The following C2orf72 variants were observed in gnomAD, a reference collection of about 807,000 sequenced individuals.
C2orf72 encodes the protein chromosome 2 open reading frame 72.
A neutral mutation model predicts 14.4 loss-of-function variants in C2orf72; 16 were observed. That is an observed-to-expected ratio of 1.11 (90% CI 0.75 to 1.69). C2orf72 has a LOEUF of 1.69. C2orf72 is among the 40% of genes most tolerant of loss of function. The probability of loss-of-function intolerance (pLI) is 0.00; values close to 1 mark genes in which losing one functional copy is unlikely to be tolerated. For synonymous variants in C2orf72, 168 were observed against 176.8 expected (o/e 0.95, Z 0.40); for missense variants, 371 against 358.3 (o/e 1.04, Z -0.29).
intron 2 of C2orf72, among the ~76,000 whole-genome samples, chr2:231,044,945 T>TATATATCTATATATATATATATATATA (rs1693392248): frequency 7.1e-6 from 1 of 141,666 alleles, no homozygotes; most frequent in African/African-American, 2.6e-5. Context: ...ATATATATCT[T>TATATATCTATATATATATATATATATA]TATATATATA....
chr2:231,038,466 G>A (rs1422793051), intron 1 of C2orf72, among the ~76,000 whole-genome samples: 1 of 140,362 alleles, frequency 7.1e-6, no homozygotes, highest in African/African-American at 2.6e-5. Flanking sequence ...GAGGGAGTGG[G>A]TAGAGAGAAG....
Position 231,047,179 on chromosome 2 carries a change from C to T in C2orf72, c.*158C>T, listed in dbSNP as rs1374524881. On this transcript the variant is annotated 3_prime_UTR_variant, in exon 3 of 3. Transcript: ENST00000373640. ...AGCTAGACAGTGGGGCTTACTAAGA[C>T]AAGCAGGACCTAAAACAGTGTCTCC... The T allele has an allele frequency of 1.1e-6, 1 of 876,494 alleles. No individual in the cohort carries two copies. Among genetic ancestry groups the T allele is most frequent in the Non-Finnish European group, 1.8e-6 (1 of 542,574 alleles). The allele number at this position is 876,494 out of a possible 1,614,324, so 54.3% of individuals were successfully genotyped here. A position where few individuals can be genotyped will look rare whatever the true frequency, so the allele number is the denominator to read the frequency against.
At position 231,045,993 on chromosome 2, in the gene C2orf72, G is replaced by T. The variant is rs141788948; in HGVS notation, c.749-889G>T. Among the ~76,000 whole-genome samples, 182 of 152,040 alleles carry T rather than the reference G, an allele frequency of 1.2e-3. 1 individual carries two copies. The highest frequency in any genetic ancestry group is 4.1e-3 in the African/African-American group (170 of 41,466). ...ATGTCAACAACATATTTTCTTTTTT[G>T]AGGTAATTCTAAATTAACATGCAGT... On this transcript the variant is annotated intron_variant, in intron 2 of 2. Coordinates refer to ENST00000373640, the MANE Select transcript of C2orf72 (RefSeq NM_001144994.2).
At chr2:231,042,840 AC>A (rs1177966195) in intron 2 of C2orf72, among the ~76,000 whole-genome samples, 2 of 152,160 alleles carry the variant, frequency 1.3e-5, no homozygotes, top group Admixed American at 1.3e-4. Flanking sequence ...CTCTATCTCT[AC>A]TAAAAATACA....
chr2:231,044,224 G>A (rs915555916), intron 2 of C2orf72, among the ~76,000 whole-genome samples: 1 of 152,198 alleles, frequency 6.6e-6, no homozygotes, highest in Non-Finnish European at 1.5e-5. Context: ...CTAGGACATT[G>A]CTGTGCACTA....
intron 2 of C2orf72, among the ~76,000 whole-genome samples, chr2:231,044,324 C>G (rs910253810): frequency 6.6e-6 from 1 of 152,172 alleles, no homozygotes; most frequent in Admixed American, 6.5e-5. Flanking sequence ...CCTTAGCTTA[C>G]TGTAACTTTT....
rs1553555593 is a variant in C2orf72, at chr2:231,044,962, T to TAC, written c.749-1906_749-1905dup. ...ATATATCTTTATATATATATATATA[T>TAC]ACACACACACACACATATAAGTAGA... On this transcript the variant is annotated intron_variant, in intron 2 of 2. Transcript: ENST00000373640. 2.8e-3 allele frequency among the ~76,000 whole-genome samples: 417 copies of TAC among 146,434 alleles called. 5 individuals carry two copies. Among genetic ancestry groups the TAC allele is most frequent in the Middle Eastern group, 0.025 (7 of 278 alleles).
intron 2 of C2orf72, among the ~76,000 whole-genome samples, chr2:231,044,101 T>C (rs535823726): frequency 6.6e-6 from 1 of 152,248 alleles, no homozygotes; most frequent in East Asian, 1.9e-4. Flanking sequence ...AAATATGCTA[T>C]AAAAGATCAA....
chr2:231,037,539 G>T lies in C2orf72; in HGVS notation c.-27G>T. ...GCAGCGGGTGCGCCCGGGCCGCGGC[G>T]GCCGCAGAGGGCGGGCGGCGGCCAG... On this transcript the variant is annotated 5_prime_UTR_variant, in exon 1 of 3. Transcript: ENST00000373640. 1 of 1,000,508 alleles carries T rather than the reference G, an allele frequency of 1.0e-6. No individual in the cohort carries two copies. Among genetic ancestry groups the T allele is most frequent in the Non-Finnish European group, 1.2e-6 (1 of 841,820 alleles). 62.0% of individuals were successfully genotyped at this position (1,000,508 alleles called of 1,614,324 possible). A position where few individuals can be genotyped will look rare whatever the true frequency, so the allele number is the denominator to read the frequency against.
At chr2:231,046,086 A>G (rs1165092389) in intron 2 of C2orf72, among the ~76,000 whole-genome samples, 2 of 152,204 alleles carry the variant, frequency 1.3e-5, no homozygotes, top group African/African-American at 4.8e-5. Flanking sequence ...TGAGCTCAGG[A>G]GTTCAAGACC....
rs1177720221 is a variant in C2orf72, at chr2:231,048,000, A to T, written c.*979A>T. On this transcript the variant is annotated 3_prime_UTR_variant, in exon 3 of 3. Coordinates refer to ENST00000373640, the MANE Select transcript of C2orf72 (RefSeq NM_001144994.2). Reference sequence around the variant, plus strand: ...AGAAGGAAAGCTAGGGGCTTGGACTACTGGGTATAGGACTTGCTCTAGCTC... The same window carrying T: ...AGAAGGAAAGCTAGGGGCTTGGACTTCTGGGTATAGGACTTGCTCTAGCTC... 6.6e-6 allele frequency: 1 copy of T among 152,278 alleles called. No homozygotes were observed. The highest frequency in any genetic ancestry group is 2.4e-5 in the African/African-American group (1 of 41,470). The allele number at this position is 152,278 out of a possible 1,614,324, so 9.4% of individuals were successfully genotyped here.
At chr2:231,044,457 G>A (rs1005659907) in intron 2 of C2orf72, among the ~76,000 whole-genome samples, 2 of 152,084 alleles carry the variant, frequency 1.3e-5, no homozygotes. Context: ...ACAGTGATCC[G>A]TACTCCTGCC....
chr2:231,044,589 AAC>A (rs910231320), intron 2 of C2orf72, among the ~76,000 whole-genome samples: 12 of 152,084 alleles, frequency 7.9e-5, no homozygotes, highest in Admixed American at 3.3e-4. Flanking sequence ...CTTGGCTTAA[AAC>A]ACAAAATATT....
At chr2:231,042,972 C>A (rs1354314426) in intron 2 of C2orf72, among the ~76,000 whole-genome samples, 1 of 152,160 alleles carries the variant, frequency 6.6e-6, no homozygotes, top group Non-Finnish European at 1.5e-5. Context: ...CCATTGCACT[C>A]CAGCCTAGGC....
At chr2:231,044,924 C>T (rs556081220) in intron 2 of C2orf72, among the ~76,000 whole-genome samples, 1,810 of 128,844 alleles carry the variant, frequency 0.014, 21 homozygotes, top group Non-Finnish European at 0.016. Flanking sequence ...ACTTTATATA[C>T]GTGTGTGTGT....
At chr2:231,045,890 C>T (rs996131315) in intron 2 of C2orf72, among the ~76,000 whole-genome samples, 19 of 152,150 alleles carry the variant, frequency 1.2e-4, no homozygotes, top group African/African-American at 4.3e-4. Context: ...TTATGTTGCA[C>T]GTGACTGTAC....
chr2:231,044,043 A>T (rs2125137941), intron 2 of C2orf72, among the ~76,000 whole-genome samples: 1 of 152,316 alleles, frequency 6.6e-6, no homozygotes, highest in Middle Eastern at 3.4e-3. Flanking sequence ...ACACAATGGT[A>T]AGTAGCTGTG....
At chr2:231,040,452 A>G (rs769743051) in intron 1 of C2orf72, among the ~76,000 whole-genome samples, 1 of 152,244 alleles carries the variant, frequency 6.6e-6, no homozygotes, top group Non-Finnish European at 1.5e-5. Flanking sequence ...TCCTACTTTT[A>G]TAAAAACATA....
At position 231,047,083 on chromosome 2, in the gene C2orf72, C is replaced by T. The variant is rs1284767879; in HGVS notation, c.*62C>T. Reference sequence around the variant, plus strand: ...CAGACTGGGGCCTGGCTCCGTCTTACTGGCCCCCAGGTCTCCATGGAGACT... The same window carrying T: ...CAGACTGGGGCCTGGCTCCGTCTTATTGGCCCCCAGGTCTCCATGGAGACT... On this transcript the variant is annotated 3_prime_UTR_variant, in exon 3 of 3. Transcript: ENST00000373640. The T allele has an allele frequency of 1.3e-6, 2 of 1,546,730 alleles. No homozygotes were observed. Among genetic ancestry groups the T allele is most frequent in the Admixed American group, 2.0e-5 (1 of 50,984 alleles).
Sources: allele counts gnomAD v4.1 joint callset (sites outside exome capture counted in the v4.1 genomes callset), GRCh38; gene constraint gnomAD v4.1.1; transcripts MANE v1.5; gene names NCBI Gene and HGNC (gene_info 2026-07-23, HGNC 2026-07-21).